PLA1A: variants seen among roughly 807,000 people sequenced by gnomAD.
The protein encoded by PLA1A is phospholipase A1 member A, also known as phosphatidylserine-specific phospholipase A1alpha.
PLA1A carries 47 observed loss-of-function variants against 49.4 expected under a neutral mutation model. That is an observed-to-expected ratio of 0.95 (90% CI 0.75 to 1.21). The LOEUF is 1.21. Among genes scored for constraint, PLA1A ranks in the 50% most tolerant of loss-of-function variants. The probability of loss-of-function intolerance (pLI) is 0.00; values close to 1 mark genes in which losing one functional copy is unlikely to be tolerated. For missense variants in PLA1A, 561 were observed against 563.9 expected, an observed-to-expected ratio of 0.99 and a Z score of 0.05; for synonymous variants, 224 against 207.9, an observed-to-expected ratio of 1.08 and a Z score of -0.67.
chr3:119,624,281 G>T (rs938528458), intron 8 of PLA1A, among the ~76,000 whole-genome samples: 4 of 152,168 alleles, frequency 2.6e-5, no homozygotes, highest in Non-Finnish European at 5.9e-5. Context: ...GGTCAAATAA[G>T]GGCCCTGCCA....
intron 7 of PLA1A, among the ~76,000 whole-genome samples, chr3:119,618,402 A>G (rs2082882782): frequency 6.6e-6 from 1 of 151,940 alleles, no homozygotes; most frequent in Non-Finnish European, 1.5e-5. Flanking sequence ...CCCTATGGCC[A>G]TCCTTGCCCC....
chr3:119,613,507 T>C (rs2082798261), intron 5 of PLA1A, among the ~76,000 whole-genome samples: 1 of 152,230 alleles, frequency 6.6e-6, no homozygotes, highest in African/African-American at 2.4e-5. Context: ...CCCAAGGTAC[T>C]GGGCCATTCC....
intron 2 of PLA1A, among the ~76,000 whole-genome samples, chr3:119,608,338 T>A (rs1041938055): frequency 6.6e-6 from 1 of 152,158 alleles, no homozygotes; most frequent in African/African-American, 2.4e-5. Context: ...TATTTTAGAA[T>A]GAGAATTAAG....
At chr3:119,622,857 C>T (rs1343977028) in intron 8 of PLA1A, among the ~76,000 whole-genome samples, 1 of 152,134 alleles carries the variant, frequency 6.6e-6, no homozygotes, top group Non-Finnish European at 1.5e-5. Flanking sequence ...GACAGAGTCT[C>T]GCTCTGTCAC....
chr3:119,613,855 T>G (rs1436486360), intron 5 of PLA1A, among the ~76,000 whole-genome samples: 1 of 151,094 alleles, frequency 6.6e-6, no homozygotes, highest in Non-Finnish European at 1.5e-5. Context: ...ATCGCGCTAC[T>G]GCACGCCAGC....
chr3:119,604,781 C>T (rs959292927), intron 1 of PLA1A, among the ~76,000 whole-genome samples: 5 of 152,082 alleles, frequency 3.3e-5, no homozygotes, highest in African/African-American at 1.2e-4. Flanking sequence ...AGGAATTGTG[C>T]CAAGGAGTTT....
chr3:119,628,963 A>T, intron 10 of PLA1A, 98 bp downstream of exon 10: 1 of 952,024 alleles, frequency 1.1e-6, no homozygotes, highest in Non-Finnish European at 1.6e-6. Context: ...ATCTCATCAT[A>T]GTGATTATCA....
intron 8 of PLA1A, among the ~76,000 whole-genome samples, chr3:119,624,522 CATT>C (rs1415540874): frequency 5.3e-5 from 8 of 152,174 alleles, no homozygotes; most frequent in African/African-American, 1.9e-4. Flanking sequence ...GGAAGTAAAA[CATT>C]AGTATTACAA....
chr3:119,612,871 A>T (rs1230449602), intron 4 of PLA1A, 146 bp from the exon 5 acceptor site: 4 of 537,636 alleles, frequency 7.4e-6, no homozygotes, highest in Non-Finnish European at 1.3e-5. Context: ...TTCCTGAGGA[A>T]GGTGGTCCTC....
rs182616845 is a variant in PLA1A at position 119,627,162 on chromosome 3, T to G, written c.1122-1539T>G. Among the ~76,000 whole-genome samples, 987 of 152,298 alleles carry G rather than the reference T, an allele frequency of 6.5e-3. 7 individuals are homozygous for G. Among genetic ancestry groups the G allele is most frequent in the Non-Finnish European group, 9.0e-3 (611 of 68,016 alleles). ...CCACAGATTAGCGCTTCCTCCTCCA[T>G]GAAGAGGTTCACATAACTCTTTTGA... On this transcript the variant is annotated intron_variant, in intron 9 of 10. Coordinates refer to ENST00000273371, the MANE Select transcript of PLA1A (RefSeq NM_015900.4).
intron 1 of PLA1A, among the ~76,000 whole-genome samples, chr3:119,600,956 C>T (rs964154490): frequency 3.3e-5 from 5 of 152,230 alleles, no homozygotes; most frequent in African/African-American, 1.2e-4. Context: ...CGTGGCAGAG[C>T]CACCCTCAAG....
chr3:119,614,469 G>A (rs1053776206), intron 5 of PLA1A, among the ~76,000 whole-genome samples: 3 of 152,058 alleles, frequency 2.0e-5, no homozygotes, highest in Non-Finnish European at 2.9e-5. Context: ...AGTGAGGCGT[G>A]GTGGTAGGCA....
chr3:119,613,631 C>T (rs772210731), intron 5 of PLA1A, among the ~76,000 whole-genome samples: 21 of 152,234 alleles, frequency 1.4e-4, no homozygotes, highest in East Asian at 3.9e-4. Context: ...CGGTGGCTCA[C>T]GCCAGTAATC....
chr3:119,598,942 G>A (rs1348880419), intron 1 of PLA1A, among the ~76,000 whole-genome samples: 1 of 152,164 alleles, frequency 6.6e-6, no homozygotes, highest in African/African-American at 2.4e-5. Flanking sequence ...CTCTGTATGT[G>A]CTTTCTCCTA....
At chr3:119,619,266 A>G (rs752318298) in intron 7 of PLA1A, among the ~76,000 whole-genome samples, 5 of 152,206 alleles carry the variant, frequency 3.3e-5, no homozygotes, top group Non-Finnish European at 7.3e-5. Context: ...AACAACTACT[A>G]TAGGAGATTG....
chr3:119,598,060 A>T, intron 1 of PLA1A, 74 bp downstream of exon 1: 1 of 952,560 alleles, frequency 1.0e-6, no homozygotes, highest in Non-Finnish European at 1.6e-6. Flanking sequence ...CTTATGCAGT[A>T]CTAACTTTTG....
At chr3:119,600,133 G>A (rs556180586) in intron 1 of PLA1A, 13 of 476,184 alleles carry the variant, frequency 2.7e-5, no homozygotes, top group Admixed American at 6.8e-5. Flanking sequence ...TCAAATGATC[G>A]GGAGGGAGGA....
chr3:119,608,832 A>G lies in PLA1A; in HGVS notation c.338A>G (p.Asn113Ser). 6.2e-7 allele frequency: 1 copy of G among 1,613,786 alleles called. No individual in the cohort carries two copies. Among genetic ancestry groups the G allele is most frequent in the Non-Finnish European group, 8.5e-7 (1 of 1,179,660 alleles). ...ATTAGAACCCTTCTGCGTGCAACGA[A>G]TGCTAATGTGATTGCCGTGGACTGG... is the stretch of plus-strand genomic sequence containing the variant. ...TFIRTLLRATNANVIAVDWIY... is the reference protein window; with the variant it reads ...TFIRTLLRATSANVIAVDWIY... The change falls in exon 3 of 11, where the codon AAT becomes AGT. Residue 113 changes from asparagine (N) to serine (S), a missense_variant. Physicochemically the swap from Asn to Ser is conservative, Grantham distance 46. Transcript: ENST00000273371.
chr3:119,620,001 C>T (rs1046889231), intron 8 of PLA1A: 11 of 463,434 alleles, frequency 2.4e-5, no homozygotes, highest in African/African-American at 9.9e-5. Flanking sequence ...ATGTGGTTCT[C>T]ACCCTGGCAG....
Sources: gnomAD v4.1 joint callset for allele counts (sites outside exome capture counted in the v4.1 genomes callset) on GRCh38, gnomAD v4.1.1 for gene constraint, MANE v1.5 for transcripts, NCBI Gene and HGNC (gene_info 2026-07-23, HGNC 2026-07-21) for gene names.